The following ETAA1 variants were observed in gnomAD, a reference collection of about 807,000 sequenced individuals.
ETAA1 encodes ETAA1 activator of ATR kinase, also known as ewing's tumor-associated antigen 1.
ETAA1 carries 49 observed loss-of-function variants against 76.8 expected under a neutral mutation model. That is an observed-to-expected ratio of 0.64 (90% CI 0.51 to 0.81). The LOEUF (loss-of-function observed/expected upper bound fraction) is 0.81, where lower values mean the gene tolerates loss of function less well. ETAA1 is among the 30% of genes least tolerant of loss of function. ETAA1 has a pLI of 0.00. For missense variants in ETAA1, 1,099 were observed against 1,074.0 expected (o/e 1.02, Z -0.32); for synonymous variants, 373 against 372.2 (o/e 1.00, Z -0.03).
At position 67,403,707 on chromosome 2, in the gene ETAA1, C is replaced by T. The variant is rs1482896016; in HGVS notation, c.1025C>T (p.Ser342Leu). 2.5e-6 allele frequency: 4 copies of T among 1,613,418 alleles called. No homozygotes were observed. Among genetic ancestry groups the T allele is most frequent in the East Asian group, 2.2e-5 (1 of 44,856 alleles). Residue 342 changes from serine (S) to leucine (L), a missense_variant, in exon 5 of 6, where the codon TCA (serine) becomes TTA (leucine). This residue lies in a region of ETAA1 where 761 missense variants were observed against 731.9 expected (regional missense o/e 1.04). Coordinates refer to ENST00000272342, the MANE Select transcript of ETAA1 (RefSeq NM_019002.4). ...AAACTGTCAAATAAAACCCCACGAT[C>T]ACTTTCTTCTCAAGTAGATACACCC... Reference protein sequence around the residue: ...IEKLSNKTPRSLSSQVDTPIM... With the variant: ...IEKLSNKTPRLLSSQVDTPIM...
rs1470848444 is a variant in ETAA1 at position 67,404,492 on chromosome 2, G to A, written c.1810G>A (p.Asp604Asn). 3 of 1,613,306 alleles carry A rather than the reference G, an allele frequency of 1.9e-6. No individual in the cohort carries two copies. Among genetic ancestry groups the A allele is most frequent in the Admixed American group, 1.7e-5 (1 of 59,976 alleles). ...HQLDNTWEAD[D>N]VDDDLLYQAC... Reference sequence around the variant, plus strand: ...ATTAGATAATACCTGGGAAGCAGATGATGTAGATGATGATTTGTTGTACCA... The same window carrying A: ...ATTAGATAATACCTGGGAAGCAGATAATGTAGATGATGATTTGTTGTACCA... Residue 604 changes from aspartate (D) to asparagine (N), a missense_variant, in exon 5 of 6, where the codon GAT becomes AAT. Transcript: ENST00000272342.
At chr2:67,407,344 G>A (rs1002389208) in intron 5 of ETAA1, among the ~76,000 whole-genome samples, 1 of 151,980 alleles carries the variant, frequency 6.6e-6, no homozygotes, top group African/African-American at 2.4e-5. Context: ...CCTGGGCTGC[G>A]GGTAGCTTGC....
Position 67,410,045 on chromosome 2 carries a change from A to G in ETAA1, c.*7A>G, listed in dbSNP as rs1258296656. On this transcript the variant is annotated 3_prime_UTR_variant, in exon 6 of 6. Transcript: ENST00000272342. Reference sequence around the variant, plus strand: ...TCCCACTTCATTTCTTTAATGAAATATTAGTTGGAAGACTTCACGAAGACT... The same window carrying G: ...TCCCACTTCATTTCTTTAATGAAATGTTAGTTGGAAGACTTCACGAAGACT... The G allele has an allele frequency of 9.4e-6, 15 of 1,599,060 alleles. No homozygotes were observed. The highest frequency in any genetic ancestry group is 1.3e-5 in the Non-Finnish European group (15 of 1,175,584).
Position 67,399,157 on chromosome 2 carries a change from T to A in ETAA1, c.224-12T>A. The A allele has an allele frequency of 6.2e-7, 1 of 1,602,676 alleles. No individual in the cohort carries two copies. Among genetic ancestry groups the A allele is most frequent in the Non-Finnish European group, 8.5e-7 (1 of 1,176,120 alleles). Reference sequence around the variant, plus strand: ...AATGCAACAATTGTTATTTTACTCATATTTTATATAGAAAGGTATGAAACA... The same window carrying A: ...AATGCAACAATTGTTATTTTACTCAAATTTTATATAGAAAGGTATGAAACA... On this transcript the variant is annotated splice_polypyrimidine_tract_variant and intron_variant, in intron 1 of 5. Coordinates refer to ENST00000272342, the MANE Select transcript of ETAA1 (RefSeq NM_019002.4).
intron 5 of ETAA1, among the ~76,000 whole-genome samples, chr2:67,408,384 A>G (rs1418509581): frequency 6.6e-6 from 1 of 152,136 alleles, no homozygotes; most frequent in Non-Finnish European, 1.5e-5. Context: ...TGAAATCCAG[A>G]TTTCATTGTC....
chr2:67,397,403 G>A lies in ETAA1; in HGVS notation c.-46G>A. 1 of 1,548,144 alleles carries A rather than the reference G, an allele frequency of 6.5e-7. No individual in the cohort carries two copies. Among genetic ancestry groups the A allele is most frequent in the Non-Finnish European group, 8.7e-7 (1 of 1,142,872 alleles). On this transcript the variant is annotated 5_prime_UTR_variant, in exon 1 of 6. Coordinates refer to ENST00000272342, the MANE Select transcript of ETAA1 (RefSeq NM_019002.4). The stretch of plus-strand genomic sequence containing the variant: ...GTGCTGTTGCCCTACTCATCCCTTT[G>A]CAAAATGTGAAAGAAGAAGCGGCTG...
At position 67,405,174 on chromosome 2, in the gene ETAA1, T is replaced by A; in HGVS notation, c.2492T>A (p.Ile831Asn). ...TTTACAAGGATGAAAAATTCTCAGATTCTTTCTCAGTTTAATCAAAATTGT... is the reference window on the plus strand; with the variant it reads ...TTTACAAGGATGAAAAATTCTCAGAATCTTTCTCAGTTTAATCAAAATTGT... ...FTFTRMKNSQILSQFNQNCIT... is the reference protein window; with the variant it reads ...FTFTRMKNSQNLSQFNQNCIT... Residue 831 changes from isoleucine (I) to asparagine (N), a missense_variant, in exon 5 of 6, where the codon ATT (isoleucine) becomes AAT (asparagine). This residue lies in a region of ETAA1 where 302 missense variants were observed against 278.1 expected (regional missense o/e 1.09). Transcript: ENST00000272342. 6.2e-7 allele frequency: 1 copy of A among 1,612,542 alleles called. No individual in the cohort carries two copies. Among genetic ancestry groups the A allele is most frequent in the Non-Finnish European group, 8.5e-7 (1 of 1,179,188 alleles).
At chr2:67,403,179 T>G in intron 4 of ETAA1, 46 bp from the exon 5 acceptor site, 1 of 1,311,776 alleles carries the variant, frequency 7.6e-7, no homozygotes, top group African/African-American at 1.5e-5. Context: ...CAGTTGGATA[T>G]AATGTTTCAG....
chr2:67,408,066 A>G (rs1676267013), intron 5 of ETAA1, among the ~76,000 whole-genome samples: 1 of 152,162 alleles, frequency 6.6e-6, no homozygotes, highest in African/African-American at 2.4e-5. Context: ...TACCTTATCA[A>G]TATTTTCTTT....
chr2:67,409,706 C>T (rs1324483150), intron 5 of ETAA1, among the ~76,000 whole-genome samples: 2 of 151,908 alleles, frequency 1.3e-5, no homozygotes, highest in Admixed American at 6.6e-5. Context: ...CAAATAGAGA[C>T]AGATCCATCA....
intron 1 of ETAA1, 145 bp downstream of exon 1, chr2:67,397,816 C>T (rs1675924053): frequency 1.3e-6 from 1 of 799,456 alleles, no homozygotes; most frequent in Admixed American, 2.5e-5. Context: ...CAAAAATAAT[C>T]CTATACCACT....
In ETAA1 at chr2:67,398,478, G is replaced by A. The variant is rs545384865; in HGVS notation, c.224-691G>A. ...AGCCTCCCAAGTAGCTGGGACTACA[G>A]GCGTGTGCCACCTCGCCCGGCTAAT... On this transcript the variant is annotated intron_variant, in intron 1 of 5. Transcript: ENST00000272342. Among the ~76,000 whole-genome samples the A allele has an allele frequency of 6.6e-4, 100 of 152,132 alleles. 1 individual carries two copies. The highest frequency in any genetic ancestry group is 2.3e-3 in the African/African-American group (97 of 41,506).
intron 3 of ETAA1, chr2:67,402,015 C>A (rs1413154670): frequency 6.6e-6 from 1 of 151,674 alleles, no homozygotes; most frequent in African/African-American, 2.4e-5. Context: ...CTTTGAGTAG[C>A]CTATAATCTA....
Position 67,402,875 on chromosome 2 carries a change from C to T in ETAA1, c.443C>T (p.Thr148Ile). The change falls in exon 4 of 6, where the codon ACA becomes ATA. Residue 148 changes from threonine to isoleucine, a missense_variant. Around this residue, in one of 3 missense-constraint regions of ETAA1, gnomAD observed 761 missense variants for 731.9 expected, o/e 1.04. Coordinates refer to ENST00000272342, the MANE Select transcript of ETAA1 (RefSeq NM_019002.4). ...NRIAPQDEKP[T>I]TNSMLDMWIG... Reference sequence around the variant, plus strand: ...TATCTGCCAAAGGATGAAAAACCAACAACAAATTCTATGCTGGACATGTGG... The same window carrying T: ...TATCTGCCAAAGGATGAAAAACCAATAACAAATTCTATGCTGGACATGTGG... 2 of 1,587,030 alleles carry T rather than the reference C, an allele frequency of 1.3e-6. No individual in the cohort carries two copies. The highest frequency in any genetic ancestry group is 1.4e-5 in the African/African-American group (1 of 73,156).
At chr2:67,402,495 C>T (rs1676082287) in intron 3 of ETAA1, 1 of 152,268 alleles carries the variant, frequency 6.6e-6, no homozygotes, top group Non-Finnish European at 1.5e-5. Flanking sequence ...GTTTCTGACA[C>T]TAATGTTTTT....
chr2:67,401,647 A>G (rs1021232689), intron 3 of ETAA1: 1 of 151,950 alleles, frequency 6.6e-6, no homozygotes, highest in South Asian at 2.1e-4. Context: ...GTATATGTAA[A>G]GTTGGGTACA....
chr2:67,411,227 G>T lies in ETAA1; in HGVS notation c.*1189G>T, dbSNP rs912533754. 2.6e-5 allele frequency: 4 copies of T among 151,954 alleles called. No homozygotes were observed. Among genetic ancestry groups the T allele is most frequent in the African/African-American group, 9.7e-5 (4 of 41,384 alleles). 9.4% of individuals were successfully genotyped at this position (151,954 alleles called of 1,614,324 possible). A position where few individuals can be genotyped will look rare whatever the true frequency, so the allele number is the denominator to read the frequency against. On this transcript the variant is annotated 3_prime_UTR_variant, in exon 6 of 6. Transcript: ENST00000272342. ...TTATTCCTCTTAAATGGTTTTAGGA[G>T]ATCTAGAGAAAGTTAGAGATATGAA... is the stretch of plus-strand genomic sequence containing the variant.
chr2:67,402,736 C>G, intron 3 of ETAA1, 126 bp from the exon 4 acceptor site: 1 of 516,778 alleles, frequency 1.9e-6, no homozygotes, highest in Non-Finnish European at 3.1e-6. Context: ...TGTTACCTCA[C>G]CAGAATTTAG....
chr2:67,401,595 A>G (rs150785104), intron 3 of ETAA1: 96 of 152,034 alleles, frequency 6.3e-4, no homozygotes, highest in African/African-American at 2.3e-3. Flanking sequence ...AGAAATATGT[A>G]ATAACATGTA....
Sources: gnomAD v4.1 joint callset for allele counts (sites outside exome capture counted in the v4.1 genomes callset) on GRCh38, gnomAD v4.1.1 for gene constraint, gnomAD v4.1.1 regional missense constraint, MANE v1.5 for transcripts, NCBI Gene and HGNC (gene_info 2026-07-23, HGNC 2026-07-21) for gene names.